TPD52: variants seen among roughly 807,000 people sequenced by gnomAD.
TPD52 encodes the protein tumor protein D52, also known as prostate and colon associated protein.
TPD52 carries 17 observed loss-of-function variants against 31.3 expected under a neutral mutation model. The ratio of observed to expected loss-of-function variants is 0.54; its 90% confidence interval spans 0.37 to 0.82. TPD52 has a LOEUF of 0.82. TPD52 is among the 40% of genes least tolerant of loss of function. The pLI, the probability that TPD52 is intolerant of heterozygous loss-of-function variation, is 0.00. For synonymous variants in TPD52, 83 were observed against 89.6 expected, an observed-to-expected ratio of 0.93 and a Z score of 0.42; for missense variants, 212 against 240.1, an observed-to-expected ratio of 0.88 and a Z score of 0.77.
chr8:80,117,051 T>G (rs1470506816), intron 1 of TPD52, among the ~76,000 whole-genome samples: 1 of 152,206 alleles, frequency 6.6e-6, no homozygotes, highest in Admixed American at 6.5e-5. Flanking sequence ...AACATCTTAG[T>G]TAACAAAGAC....
At chr8:80,091,182 C>T (rs1816229144) in intron 1 of TPD52, among the ~76,000 whole-genome samples, 1 of 152,142 alleles carries the variant, frequency 6.6e-6, no homozygotes, top group Non-Finnish European at 1.5e-5. Flanking sequence ...CTAAAATACA[C>T]AAAAGAGGCT....
intron 1 of TPD52, among the ~76,000 whole-genome samples, chr8:80,160,219 T>G (rs1469281696): frequency 6.6e-6 from 1 of 152,142 alleles, no homozygotes. Context: ...AAATTTTTCT[T>G]GGACTCCAGA....
intron 1 of TPD52, among the ~76,000 whole-genome samples, chr8:80,126,685 G>A (rs1295307059): frequency 3.3e-5 from 5 of 151,822 alleles, no homozygotes; most frequent in Admixed American, 1.3e-4. Context: ...GTTTCACCAC[G>A]TTGACCGGGC....
rs182023070 is a variant in TPD52 at position 80,123,391 on chromosome 8, C to T, written c.19+48034G>A. ...AAAATGACTCTCAAGACAAGGTGGG[C>T]GATGGTACCTCCGACCAAGAAAGAG... is the stretch of plus-strand genomic sequence containing the variant. On this transcript the variant is annotated intron_variant, in intron 1 of 7. Coordinates refer to ENST00000518937, the MANE Select transcript of TPD52 (RefSeq NM_001025253.3). Among the ~76,000 whole-genome samples, 401 of 152,142 alleles carry T rather than the reference C, an allele frequency of 2.6e-3. 2 individuals carry two copies. Among genetic ancestry groups the T allele is most frequent in the African/African-American group, 9.0e-3 (375 of 41,510 alleles).
At chr8:80,146,746 G>T (rs1327252434) in intron 1 of TPD52, among the ~76,000 whole-genome samples, 1 of 152,134 alleles carries the variant, frequency 6.6e-6, no homozygotes, top group East Asian at 1.9e-4. Context: ...TTATATGTGG[G>T]TACACTATGT....
rs3053827 is a variant in TPD52 at position 80,122,023 on chromosome 8, G to GAAA, written c.19+49399_19+49401dup. On this transcript the variant is annotated intron_variant, in intron 1 of 7. Transcript: ENST00000518937. ...GCTTTGCTTACTTACACCTTCAAAA[G>GAAA]AAAAAAAAAAACTCCTGTGCAATGA... is the stretch of plus-strand genomic sequence containing the variant. Among the ~76,000 whole-genome samples, 1,455 of 146,008 alleles carry GAAA rather than the reference G, an allele frequency of 1.0e-2. 12 individuals carry two copies. Among genetic ancestry groups the GAAA allele is most frequent in the African/African-American group, 0.027 (1,066 of 40,048 alleles).
At chr8:80,125,172 T>C (rs914542289) in intron 1 of TPD52, among the ~76,000 whole-genome samples, 1 of 152,092 alleles carries the variant, frequency 6.6e-6, no homozygotes. Flanking sequence ...GTCCAACAGA[T>C]ATGAAGATGC....
At chr8:80,110,148 T>A (rs1038245252) in intron 1 of TPD52, among the ~76,000 whole-genome samples, 1 of 152,250 alleles carries the variant, frequency 6.6e-6, no homozygotes, top group Non-Finnish European at 1.5e-5. Context: ...TTTGTTCTTA[T>A]CATTAAGCTT....
chr8:80,166,614 G>A (rs994309780), intron 1 of TPD52, among the ~76,000 whole-genome samples: 1 of 151,622 alleles, frequency 6.6e-6, no homozygotes, highest in East Asian at 2.0e-4. Flanking sequence ...GAAATTTTGT[G>A]ATTTGTTGGC....
At chr8:80,056,432 A>G (rs1209291443) in intron 2 of TPD52, among the ~76,000 whole-genome samples, 2 of 152,228 alleles carry the variant, frequency 1.3e-5, no homozygotes, top group African/African-American at 4.8e-5. Flanking sequence ...GACAACCAAC[A>G]GAATGGGGAA....
At chr8:80,086,792 T>C (rs1260891214) in intron 1 of TPD52, among the ~76,000 whole-genome samples, 1 of 140,140 alleles carries the variant, frequency 7.1e-6, no homozygotes, top group African/African-American at 2.7e-5. Context: ...AAGAATTGCT[T>C]GAACCCGGGA....
intron 1 of TPD52, among the ~76,000 whole-genome samples, chr8:80,140,300 A>G (rs1354329557): frequency 4.6e-5 from 7 of 152,192 alleles, no homozygotes; most frequent in Non-Finnish European, 7.3e-5. Flanking sequence ...TCTTTTAATT[A>G]AAATGAGGTA....
At chr8:80,044,661 C>A (rs1426390613) in intron 5 of TPD52, among the ~76,000 whole-genome samples, 1 of 152,030 alleles carries the variant, frequency 6.6e-6, no homozygotes, top group Non-Finnish European at 1.5e-5. Context: ...AGGCAACTGC[C>A]CACTCAAGGA....
intron 1 of TPD52, among the ~76,000 whole-genome samples, chr8:80,070,177 C>T (rs1019201978): frequency 2.6e-5 from 4 of 152,018 alleles, no homozygotes; most frequent in Admixed American, 1.3e-4. Flanking sequence ...GTTTGAGGAG[C>T]GCCTCTCTCT....
chr8:80,157,870 C>T (rs555415072), intron 1 of TPD52, among the ~76,000 whole-genome samples: 2 of 152,158 alleles, frequency 1.3e-5, no homozygotes, highest in Admixed American at 1.3e-4. Flanking sequence ...GAAGGTCAAA[C>T]TCTACGATAT....
intron 7 of TPD52, among the ~76,000 whole-genome samples, chr8:80,038,703 G>A (rs1810096944): frequency 6.6e-6 from 1 of 152,140 alleles, no homozygotes; most frequent in Non-Finnish European, 1.5e-5. Context: ...AATACTTAAA[G>A]TGTGGTTCAA....
chr8:80,162,138 A>G (rs1811406340), intron 1 of TPD52, among the ~76,000 whole-genome samples: 2 of 152,172 alleles, frequency 1.3e-5, no homozygotes, highest in African/African-American at 4.8e-5. Flanking sequence ...TGAAATCACT[A>G]TTTTTAGTAC....
intron 1 of TPD52, among the ~76,000 whole-genome samples, chr8:80,140,950 CGT>C (rs142097159): frequency 0.029 from 4,187 of 143,598 alleles, 145 homozygotes; most frequent in African/African-American, 0.091. Flanking sequence ...CAATACAACT[CGT>C]GTGTGTGTGT....
chr8:80,113,515 T>C (rs1807650600), intron 1 of TPD52, among the ~76,000 whole-genome samples: 1 of 152,124 alleles, frequency 6.6e-6, no homozygotes, highest in Non-Finnish European at 1.5e-5. Context: ...ATAACTAAGA[T>C]ATGAAATAAA....
Sources: gnomAD v4.1 joint callset for allele counts (sites outside exome capture counted in the v4.1 genomes callset) on GRCh38, gnomAD v4.1.1 for gene constraint, MANE v1.5 for transcripts, NCBI Gene and HGNC (gene_info 2026-07-23, HGNC 2026-07-21) for gene names.